Variants in SEPTIN9 observed in about 807,000 individuals in gnomAD.
SEPTIN9 encodes septin-9.
A neutral mutation model predicts 56.6 loss-of-function variants in SEPTIN9; 13 were observed. The observed-to-expected ratio is 0.23, with a 90% confidence interval of 0.15 to 0.37. The LOEUF (loss-of-function observed/expected upper bound fraction) is 0.37, where lower values mean the gene tolerates loss of function less well. Among genes scored for constraint, SEPTIN9 ranks in the 10% least tolerant of loss-of-function variants. The pLI, the probability that SEPTIN9 is intolerant of heterozygous loss-of-function variation, is 1.00. For synonymous variants in SEPTIN9, 332 were observed against 334.1 expected, an observed-to-expected ratio of 0.99 and a Z score of 0.07; for missense variants, 650 against 823.1, an observed-to-expected ratio of 0.79 and a Z score of 2.57.
intron 1 of SEPTIN9, among the ~76,000 whole-genome samples, chr17:77,297,434 A>G (rs1329502354): frequency 6.6e-6 from 1 of 152,154 alleles, no homozygotes; most frequent in Non-Finnish European, 1.5e-5. Flanking sequence ...TCACATGCCC[A>G]TCTCCTCCAG....
intron 4 of SEPTIN9, among the ~76,000 whole-genome samples, chr17:77,485,344 TTGA>T (rs1446436495): frequency 1.7e-5 from 2 of 121,208 alleles, no homozygotes; most frequent in Non-Finnish European, 3.5e-5. Context: ...GATGGTGGTG[TTGA>T]TGGTGATAGT....
intron 3 of SEPTIN9, among the ~76,000 whole-genome samples, chr17:77,424,705 T>C (rs2036835686): frequency 6.6e-6 from 1 of 152,246 alleles, no homozygotes; most frequent in African/African-American, 2.4e-5. Context: ...CAAGCCATTT[T>C]ATGACTCAGT....
chr17:77,361,188 T>G (rs1369543523), intron 2 of SEPTIN9, among the ~76,000 whole-genome samples: 1 of 152,130 alleles, frequency 6.6e-6, no homozygotes, highest in Non-Finnish European at 1.5e-5. Flanking sequence ...CCTCCCAAAG[T>G]GCTGGGATTA....
chr17:77,396,144 G>T (rs367672642), intron 2 of SEPTIN9, among the ~76,000 whole-genome samples: 1 of 152,082 alleles, frequency 6.6e-6, no homozygotes, highest in Non-Finnish European at 1.5e-5. Context: ...CTCTATGGGT[G>T]GGGGGGTGAC....
chr17:77,352,011 G>T (rs990067135), intron 2 of SEPTIN9, among the ~76,000 whole-genome samples: 3 of 152,330 alleles, frequency 2.0e-5, no homozygotes, highest in African/African-American at 4.8e-5. Context: ...GGGCTGCCGT[G>T]GGGGAGGGGC....
chr17:77,490,724 C>T lies in SEPTIN9; in HGVS notation c.1263-18C>T, dbSNP rs201982692. On this transcript the variant is annotated intron_variant, in intron 7 of 11. Transcript: ENST00000427177. The stretch of plus-strand genomic sequence containing the variant: ...CCCGCTCCCCCAGATGAGCCTCACG[C>T]ACATCCCTCTGCTTCAGCCTCAGGC... The T allele has an allele frequency of 1.3e-6, 2 of 1,545,878 alleles. No individual in the cohort carries two copies. Among genetic ancestry groups the T allele is most frequent in the Non-Finnish European group, 1.8e-6 (2 of 1,140,246 alleles).
chr17:77,373,723 G>C, intron 2 of SEPTIN9: 1 of 1,288,726 alleles, frequency 7.8e-7, no homozygotes, highest in Non-Finnish European at 1.0e-6. Flanking sequence ...CCGGCCCCGT[G>C]CCCGCGCCGC....
rs11870803 is a variant in SEPTIN9, at chr17:77,326,152, T to C, written c.76+18955T>C. Among the ~76,000 whole-genome samples the C allele has an allele frequency of 0.72, 108,593 of 151,578 alleles. 38,900 individuals are homozygous for C. The highest frequency in any genetic ancestry group is 0.79 in the East Asian group (4,052 of 5,118). On this transcript the variant is annotated intron_variant, in intron 2 of 11. Coordinates refer to ENST00000427177, the MANE Select transcript of SEPTIN9 (RefSeq NM_001113491.2). This position sits in a 1 kb window ranked among gnomAD's most constrained non-coding sequence, Gnocchi z 5.1. ...TTCCCTCCCCACCCAACCTCACCCA[T>C]GTGGTCCGCCCAGCAACCTTTGACC...
At chr17:77,479,422 T>C (rs898291458) in intron 3 of SEPTIN9, among the ~76,000 whole-genome samples, 7 of 152,198 alleles carry the variant, frequency 4.6e-5, no homozygotes, top group Non-Finnish European at 1.0e-4. Context: ...CTTGCATTGC[T>C]CTCTGCGTGC....
chr17:77,337,207 T>C (rs548073739), intron 2 of SEPTIN9, among the ~76,000 whole-genome samples: 1 of 151,952 alleles, frequency 6.6e-6, no homozygotes, highest in Admixed American at 6.6e-5. Context: ...TGGGGTCTCA[T>C]TGTGTTGCTC....
chr17:77,464,108 C>G (rs1829387700), intron 3 of SEPTIN9, among the ~76,000 whole-genome samples: 1 of 152,130 alleles, frequency 6.6e-6, no homozygotes, highest in South Asian at 2.1e-4. Context: ...CGGACTCTCT[C>G]TGTTGCCCAG....
chr17:77,404,361 C>T (rs996356651), intron 3 of SEPTIN9, among the ~76,000 whole-genome samples: 11 of 152,184 alleles, frequency 7.2e-5, no homozygotes, highest in African/African-American at 2.4e-4. Context: ...TCCCCAGCCT[C>T]AGCCTCCCAA....
chr17:77,439,068 G>C (rs546895062), intron 3 of SEPTIN9, among the ~76,000 whole-genome samples: 1 of 152,308 alleles, frequency 6.6e-6, no homozygotes, highest in Non-Finnish European at 1.5e-5. Flanking sequence ...AGGAGACTTT[G>C]GGGGGTTGTC....
rs115320300 is a variant in SEPTIN9, at chr17:77,465,041, G to A, written c.722-17103G>A. Among the ~76,000 whole-genome samples the A allele has an allele frequency of 6.9e-3, 1,055 of 152,256 alleles. 10 individuals carry two copies. Among genetic ancestry groups the A allele is most frequent in the African/African-American group, 0.016 (674 of 41,552 alleles). ...CCCTAGCCACCGCTCATCTGCCTTC[G>A]TCTCTATGAATTCACCTGTTCTAGA... On this transcript the variant is annotated intron_variant, in intron 3 of 11. Coordinates refer to ENST00000427177, the MANE Select transcript of SEPTIN9 (RefSeq NM_001113491.2).
intron 1 of SEPTIN9, chr17:77,281,836 C>G (rs2031039047): frequency 2.2e-6 from 1 of 454,482 alleles, no homozygotes; most frequent in Non-Finnish European, 3.9e-6. Context: ...GCAGGAATCG[C>G]TGACTTTCCA....
At chr17:77,379,605 T>C (rs2035067586) in intron 2 of SEPTIN9, among the ~76,000 whole-genome samples, 1 of 152,058 alleles carries the variant, frequency 6.6e-6, no homozygotes, top group Non-Finnish European at 1.5e-5. Context: ...TGCCCAGGCA[T>C]CAGGGGAGGT....
chr17:77,480,157 A>AC (rs562073415), intron 3 of SEPTIN9, among the ~76,000 whole-genome samples: 14 of 151,144 alleles, frequency 9.3e-5, no homozygotes, highest in East Asian at 2.0e-4. Flanking sequence ...AGATGTGTGG[A>AC]CCCCCCCTTG....
Position 77,498,513 on chromosome 17 carries a change from A to T in SEPTIN9, c.1626-10A>T. On this transcript the variant is annotated splice_polypyrimidine_tract_variant and intron_variant, in intron 11 of 11. Coordinates refer to ENST00000427177, the MANE Select transcript of SEPTIN9 (RefSeq NM_001113491.2). ...CACCTCACTGACCCGCCCGCCCCCCACCCCCACAGGACGCACATGCAGAAC... is the reference window on the plus strand; with the variant it reads ...CACCTCACTGACCCGCCCGCCCCCCTCCCCCACAGGACGCACATGCAGAAC... The T allele has an allele frequency of 6.4e-6, 1 of 157,064 alleles. No homozygotes were observed. Among genetic ancestry groups the T allele is most frequent in the Non-Finnish European group, 1.3e-5 (1 of 79,756 alleles). The allele number at this position is 157,064 out of a possible 1,614,324, so 9.7% of individuals were successfully genotyped here. A position where few individuals can be genotyped will look rare whatever the true frequency, so the allele number is the denominator to read the frequency against.
chr17:77,296,917 G>A (rs1787725296), intron 1 of SEPTIN9, among the ~76,000 whole-genome samples: 1 of 152,038 alleles, frequency 6.6e-6, no homozygotes, highest in Admixed American at 6.5e-5. Flanking sequence ...ATGGATGATA[G>A]GTAGATAGAT....
Sources: gnomAD v4.1 joint callset for allele counts (sites outside exome capture counted in the v4.1 genomes callset) on GRCh38, gnomAD v4.1.1 for gene constraint, Gnocchi (gnomAD v3.1) non-coding constraint, MANE v1.5 for transcripts, NCBI Gene and HGNC (gene_info 2026-07-23, HGNC 2026-07-21) for gene names.